Variants in SDK1 observed in about 807,000 individuals in gnomAD.
SDK1 encodes the protein protein sidekick-1.
Under a neutral mutation model 245.5 loss-of-function variants are expected in SDK1, and 157 were observed. The ratio of observed to expected loss-of-function variants is 0.64; its 90% confidence interval spans 0.56 to 0.73. SDK1 has a LOEUF of 0.73. SDK1 is among the 30% of genes least tolerant of loss of function. The probability of loss-of-function intolerance (pLI) is 0.00; values close to 1 mark genes in which losing one functional copy is unlikely to be tolerated. For synonymous variants in SDK1, 1,647 were observed against 1,278.5 expected, an observed-to-expected ratio of 1.29 and a Z score of -6.15; for missense variants, 3,583 against 3,002.3, an observed-to-expected ratio of 1.19 and a Z score of -4.52.
intron 4 of SDK1, among the ~76,000 whole-genome samples, chr7:3,784,584 C>G (rs1294780675): frequency 1.3e-5 from 2 of 152,048 alleles, no homozygotes. Context: ...AGAAGACATA[C>G]AAATGGCTGA....
chr7:3,309,239 AAG>A (rs1249411331), intron 1 of SDK1, among the ~76,000 whole-genome samples: 2 of 152,080 alleles, frequency 1.3e-5, no homozygotes, highest in Non-Finnish European at 2.9e-5. Flanking sequence ...AAAAGAATGA[AAG>A]AGATTTTGAT....
chr7:3,692,989 T>C (rs995443626), intron 4 of SDK1, among the ~76,000 whole-genome samples: 1 of 152,064 alleles, frequency 6.6e-6, no homozygotes, highest in African/African-American at 2.4e-5. Context: ...CTGTAATATT[T>C]GCCAGTTTTC....
intron 22 of SDK1, among the ~76,000 whole-genome samples, chr7:4,080,750 TAATGCTAAAAGACGAGTTA>T (rs1177586493): frequency 6.6e-6 from 1 of 152,026 alleles, no homozygotes; most frequent in East Asian, 1.9e-4. Flanking sequence ...GAGATACACC[TAATGCTAAAAGACGAGTTA>T]ATGGGTGCAG....
intron 22 of SDK1, among the ~76,000 whole-genome samples, chr7:4,104,800 G>A (rs753790992): frequency 2.0e-5 from 3 of 151,840 alleles, no homozygotes; most frequent in East Asian, 1.9e-4. Context: ...CATCCTGGGC[G>A]CTAATGATCC....
At chr7:3,852,749 TC>T (rs1238022669) in intron 5 of SDK1, among the ~76,000 whole-genome samples, 8 of 48,640 alleles carry the variant, frequency 1.6e-4, no homozygotes, top group Non-Finnish European at 1.6e-4. Context: ...AGACTCCGTC[TC>T]AAAAAAAAAA....
intron 5 of SDK1, among the ~76,000 whole-genome samples, chr7:3,860,343 A>G (rs952527838): frequency 1.3e-5 from 2 of 152,228 alleles, no homozygotes; most frequent in Admixed American, 6.5e-5. Flanking sequence ...CAATGAAAAA[A>G]AGATGGGCAA....
intron 1 of SDK1, among the ~76,000 whole-genome samples, chr7:3,559,656 A>C (rs2085749481): frequency 6.6e-6 from 1 of 151,826 alleles, no homozygotes; most frequent in South Asian, 2.1e-4. Flanking sequence ...GACACAACTC[A>C]CCTGTGTCCA....
intron 7 of SDK1, 46 bp from the exon 8 acceptor site, chr7:3,958,885 T>C: frequency 6.9e-7 from 1 of 1,449,380 alleles, no homozygotes; most frequent in Non-Finnish European, 9.7e-7. Context: ...GTCTCTGACA[T>C]ATCCTTCTTT....
At chr7:3,424,320 T>C (rs1779616541) in intron 1 of SDK1, among the ~76,000 whole-genome samples, 1 of 152,236 alleles carries the variant, frequency 6.6e-6, no homozygotes. Flanking sequence ...GATGTAGATA[T>C]TTGGTATCTT....
intron 2 of SDK1, among the ~76,000 whole-genome samples, chr7:3,627,304 G>A (rs1782152036): frequency 6.6e-6 from 1 of 152,106 alleles, no homozygotes; most frequent in Non-Finnish European, 1.5e-5. Flanking sequence ...TAGCTACTAG[G>A]ACTACCGGAT....
At chr7:4,215,723 G>A (rs1440465286) in intron 38 of SDK1, among the ~76,000 whole-genome samples, 11 of 152,190 alleles carry the variant, frequency 7.2e-5, no homozygotes, top group African/African-American at 1.2e-4. Context: ...AGCCGTGCAT[G>A]AGAGAGGTAC....
At chr7:3,735,883 G>T (rs1036394967) in intron 4 of SDK1, among the ~76,000 whole-genome samples, 3 of 152,114 alleles carry the variant, frequency 2.0e-5, no homozygotes, top group Non-Finnish European at 2.9e-5. Flanking sequence ...ATCCTAATGT[G>T]TGAAGATGAA....
chr7:3,842,083 C>T (rs543970620), intron 5 of SDK1, among the ~76,000 whole-genome samples: 1 of 152,338 alleles, frequency 6.6e-6, no homozygotes, highest in South Asian at 2.1e-4. Context: ...GACTAACTCA[C>T]AGATGGGTCA....
chr7:3,980,626 T>C (rs1783327407), intron 13 of SDK1, among the ~76,000 whole-genome samples: 1 of 152,214 alleles, frequency 6.6e-6, no homozygotes, highest in African/African-American at 2.4e-5. Flanking sequence ...AGCTTCATTT[T>C]CCAAATAACC....
intron 35 of SDK1, among the ~76,000 whole-genome samples, chr7:4,183,510 C>T (rs1023767885): frequency 6.6e-6 from 1 of 151,974 alleles, no homozygotes; most frequent in African/African-American, 2.4e-5. Flanking sequence ...TGGTGCATGC[C>T]TGTAACCCCA....
At chr7:4,020,154 G>A (rs1453094950) in intron 17 of SDK1, among the ~76,000 whole-genome samples, 4 of 152,144 alleles carry the variant, frequency 2.6e-5, no homozygotes, top group African/African-American at 7.2e-5. Context: ...TTCTTTGTTC[G>A]AGGGACATGC....
At chr7:3,822,119 G>A (rs1779661332) in intron 5 of SDK1, among the ~76,000 whole-genome samples, 1 of 152,176 alleles carries the variant, frequency 6.6e-6, no homozygotes, top group Non-Finnish European at 1.5e-5. Context: ...TTTTATTTGA[G>A]GGGACTTTAG....
chr7:3,667,462 G>C (rs2128661580), intron 4 of SDK1, among the ~76,000 whole-genome samples: 1 of 152,254 alleles, frequency 6.6e-6, no homozygotes, highest in East Asian at 1.9e-4. Context: ...TCATGCTTAA[G>C]ATTCAAGGAT....
chr7:3,434,811 G>T (rs900867026), intron 1 of SDK1, among the ~76,000 whole-genome samples: 1 of 152,070 alleles, frequency 6.6e-6, no homozygotes, highest in African/African-American at 2.4e-5. Flanking sequence ...ATCATGGGGG[G>T]GGACAGAGCA....
Sources: gnomAD v4.1 joint callset for allele counts (sites outside exome capture counted in the v4.1 genomes callset) on GRCh38, gnomAD v4.1.1 for gene constraint, MANE v1.5 for transcripts, NCBI Gene and HGNC (gene_info 2026-07-23, HGNC 2026-07-21) for gene names.